HS6ST3: variants seen among roughly 807,000 people sequenced by gnomAD.
The protein encoded by HS6ST3 is heparan-sulfate 6-O-sulfotransferase 3.
Under a neutral mutation model 36.7 loss-of-function variants are expected in HS6ST3, and 12 were observed. The ratio of observed to expected loss-of-function variants is 0.33; its 90% CI spans 0.21 to 0.53. The LOEUF (loss-of-function observed/expected upper bound fraction) is 0.53. HS6ST3 is among the 20% of genes least tolerant of loss of function. HS6ST3 has a pLI of 0.95. For missense variants in HS6ST3, 584 were observed against 640.9 expected (o/e 0.91, Z 0.96); for synonymous variants, 240 against 257.5 (o/e 0.93, Z 0.65).
chr13:96,332,052 C>G (rs940836283), intron 1 of HS6ST3, among the ~76,000 whole-genome samples: 3 of 152,188 alleles, frequency 2.0e-5, no homozygotes, highest in African/African-American at 7.2e-5. Flanking sequence ...GCGCAGGGTG[C>G]ACGCACCCAC....
intron 1 of HS6ST3, among the ~76,000 whole-genome samples, chr13:96,452,223 A>G (rs943316635): frequency 5.3e-5 from 8 of 152,168 alleles, no homozygotes; most frequent in African/African-American, 1.9e-4. Flanking sequence ...TATATGGTAA[A>G]CCTGTTAAAT....
At chr13:96,606,744 A>T (rs1027008251) in intron 1 of HS6ST3, among the ~76,000 whole-genome samples, 2 of 152,130 alleles carry the variant, frequency 1.3e-5, no homozygotes, top group Non-Finnish European at 2.9e-5. Flanking sequence ...AGATCTGCCC[A>T]TGTATCTCCT....
intron 1 of HS6ST3, among the ~76,000 whole-genome samples, chr13:96,209,722 G>C (rs1383010751): frequency 1.3e-5 from 2 of 152,076 alleles, no homozygotes; most frequent in Non-Finnish European, 2.9e-5. Context: ...GTCCAGCCTA[G>C]GGGGATTGTA....
chr13:96,511,328 A>G (rs1049120002), intron 1 of HS6ST3, among the ~76,000 whole-genome samples: 1 of 152,080 alleles, frequency 6.6e-6, no homozygotes, highest in Non-Finnish European at 1.5e-5. Context: ...TAGCTACTTT[A>G]TGCTCCAGGA....
chr13:96,615,991 A>C (rs1260228764), intron 1 of HS6ST3, among the ~76,000 whole-genome samples: 1 of 152,210 alleles, frequency 6.6e-6, no homozygotes, highest in Non-Finnish European at 1.5e-5. Flanking sequence ...AATTACTTTC[A>C]GATATTGCAG....
At chr13:96,309,131 T>G (rs1488206592) in intron 1 of HS6ST3, among the ~76,000 whole-genome samples, 2 of 152,180 alleles carry the variant, frequency 1.3e-5, no homozygotes, top group African/African-American at 4.8e-5. Flanking sequence ...TTATAGGTTG[T>G]GTACCGGGAT....
chr13:96,765,993 G>T (rs891473135), intron 1 of HS6ST3, among the ~76,000 whole-genome samples: 8 of 152,136 alleles, frequency 5.3e-5, no homozygotes, highest in Non-Finnish European at 1.2e-4. Flanking sequence ...CAAATTTTGA[G>T]CATAAACTGG....
At chr13:96,763,643 A>C (rs1363929271) in intron 1 of HS6ST3, among the ~76,000 whole-genome samples, 1 of 152,114 alleles carries the variant, frequency 6.6e-6, no homozygotes, top group Non-Finnish European at 1.5e-5. Context: ...TGGCTTCACT[A>C]TTAGGAGCTC....
intron 1 of HS6ST3, among the ~76,000 whole-genome samples, chr13:96,705,752 C>T (rs1173700956): frequency 6.6e-6 from 1 of 152,192 alleles, no homozygotes; most frequent in African/African-American, 2.4e-5. Context: ...CATCCTCTCC[C>T]ATCAGGCTCA....
At chr13:96,165,747 C>T (rs1165591140) in intron 1 of HS6ST3, among the ~76,000 whole-genome samples, 3 of 152,162 alleles carry the variant, frequency 2.0e-5, no homozygotes, top group South Asian at 2.1e-4. Flanking sequence ...AGACATATCC[C>T]TTCTGCTCAC....
intron 1 of HS6ST3, among the ~76,000 whole-genome samples, chr13:96,675,370 T>A (rs2056695767): frequency 1.3e-5 from 2 of 152,140 alleles, no homozygotes; most frequent in South Asian, 4.1e-4. Flanking sequence ...CATTTAAATA[T>A]ATATTTATGT....
chr13:96,551,147 A>G (rs1403078335), intron 1 of HS6ST3, among the ~76,000 whole-genome samples: 1 of 152,202 alleles, frequency 6.6e-6, no homozygotes, highest in African/African-American at 2.4e-5. Context: ...CCAAATTCAA[A>G]TTCAAGACAA....
chr13:96,759,700 A>G (rs1418517114), intron 1 of HS6ST3, among the ~76,000 whole-genome samples: 1 of 152,016 alleles, frequency 6.6e-6, no homozygotes, highest in African/African-American at 2.4e-5. Context: ...AAAGAAATGA[A>G]CTGTTTGGTA....
At chr13:96,379,038 G>A (rs1236915468) in intron 1 of HS6ST3, among the ~76,000 whole-genome samples, 2 of 151,992 alleles carry the variant, frequency 1.3e-5, no homozygotes, top group Non-Finnish European at 1.5e-5. Context: ...TGTGCATATC[G>A]AGCCTCCTAA....
chr13:96,711,972 C>T (rs772007037), intron 1 of HS6ST3, among the ~76,000 whole-genome samples: 1 of 152,144 alleles, frequency 6.6e-6, no homozygotes, highest in Non-Finnish European at 1.5e-5. Flanking sequence ...TAGTATTCTA[C>T]TTTGAAGTTA....
chr13:96,325,639 T>C lies in HS6ST3; in HGVS notation c.707+234070T>C, dbSNP rs147759127. ...TCAAAGACTTGAACATCCAAGGATTTTGGTATCCTTGGGAGTTCTGGAACC... is the reference window on the plus strand; with the variant it reads ...TCAAAGACTTGAACATCCAAGGATTCTGGTATCCTTGGGAGTTCTGGAACC... On this transcript the variant is annotated intron_variant, in intron 1 of 1. Coordinates refer to ENST00000376705, the MANE Select transcript of HS6ST3 (RefSeq NM_153456.4). Among the ~76,000 whole-genome samples the C allele has an allele frequency of 4.0e-4, 61 of 152,326 alleles. 1 individual carries two copies. The East Asian group carries it at 0.01, about 26-fold the overall frequency.
intron 1 of HS6ST3, among the ~76,000 whole-genome samples, chr13:96,298,138 T>C (rs2054864179): frequency 6.6e-6 from 1 of 152,240 alleles, no homozygotes. Context: ...AGATAATTAC[T>C]GAAATGGTCC....
intron 1 of HS6ST3, among the ~76,000 whole-genome samples, chr13:96,801,229 T>G (rs1010680083): frequency 6.6e-6 from 1 of 152,158 alleles, no homozygotes; most frequent in Admixed American, 6.6e-5. Context: ...TGCCAATCTC[T>G]GGCAATCCCA....
At chr13:96,608,399 C>T (rs1425055755) in intron 1 of HS6ST3, among the ~76,000 whole-genome samples, 1 of 152,184 alleles carries the variant, frequency 6.6e-6, no homozygotes, top group Non-Finnish European at 1.5e-5. Flanking sequence ...ACACAGATGA[C>T]CGGATATTAC....
Sources: allele counts gnomAD v4.1 joint callset (sites outside exome capture counted in the v4.1 genomes callset), GRCh38; gene constraint gnomAD v4.1.1; transcripts MANE v1.5; gene names NCBI Gene and HGNC (gene_info 2026-07-23, HGNC 2026-07-21).